Variants in POLR3B observed in about 807,000 individuals in gnomAD.
POLR3B encodes the protein DNA-directed RNA polymerase III subunit RPC2.
Under a neutral mutation model 147.4 loss-of-function variants are expected in POLR3B, and 96 were observed. The ratio of observed to expected loss-of-function variants is 0.65; its 90% CI spans 0.55 to 0.77. The LOEUF (loss-of-function observed/expected upper bound fraction) is 0.77, where lower values mean the gene tolerates loss of function less well. Ranked by LOEUF, POLR3B falls within the 30% of genes least tolerant of loss-of-function variation. POLR3B has a pLI of 0.00. For missense variants in POLR3B, 1,036 were observed against 1,413.5 expected (o/e 0.73, Z 4.28); for synonymous variants, 461 against 485.9 (o/e 0.95, Z 0.67).
intron 16 of POLR3B, 60 bp from the exon 17 acceptor site, chr12:106,436,997 C>T: frequency 7.7e-7 from 1 of 1,294,144 alleles, no homozygotes; most frequent in Non-Finnish European, 1.1e-6. Flanking sequence ...GGTAAACTAA[C>T]TTGCCTGTGT....
chr12:106,368,896 T>A (rs888605557), intron 4 of POLR3B, among the ~76,000 whole-genome samples: 7 of 526 alleles, frequency 0.013, no homozygotes, highest in African/African-American at 0.085. Context: ...AAATGAGCGT[T>A]TTTTTTTTGT....
intron 23 of POLR3B, among the ~76,000 whole-genome samples, chr12:106,486,899 G>A (rs1185828125): frequency 6.6e-6 from 1 of 152,170 alleles, no homozygotes; most frequent in Non-Finnish European, 1.5e-5. Flanking sequence ...CCTCAACTTT[G>A]ACAGTTCTCC....
intron 2 of POLR3B, among the ~76,000 whole-genome samples, chr12:106,366,131 A>G (rs2036533079): frequency 6.6e-6 from 1 of 152,178 alleles, no homozygotes; most frequent in African/African-American, 2.4e-5. Context: ...GTTGTAAGTC[A>G]TTAGGCGATA....
At chr12:106,462,003 C>G (rs1372815485) in intron 22 of POLR3B, among the ~76,000 whole-genome samples, 1 of 152,206 alleles carries the variant, frequency 6.6e-6, no homozygotes, top group Non-Finnish European at 1.5e-5. Context: ...TCCTGGATCC[C>G]TGTCTTGGTA....
In POLR3B at chr12:106,437,794, T is replaced by G; in HGVS notation, c.1955+15T>G. 21 of 1,351,832 alleles carry G rather than the reference T, an allele frequency of 1.6e-5. No homozygotes were observed. Among genetic ancestry groups the G allele is most frequent in the East Asian group, 2.3e-5 (1 of 43,522 alleles). The allele number at this position is 1,351,832 out of a possible 1,614,324, so 83.7% of individuals were successfully genotyped here. A position where few individuals can be genotyped will look rare whatever the true frequency, so the allele number is the denominator to read the frequency against. On this transcript the variant is annotated intron_variant, in intron 18 of 27. Transcript: ENST00000228347. ...ACAATTAATAAGTAAGTAGGATCCA[T>G]AGCAACCATAATTAAAACGTGTTCT...
At chr12:106,443,523 CTTTTT>C (rs71072678) in intron 18 of POLR3B, among the ~76,000 whole-genome samples, 27 of 146,814 alleles carry the variant, frequency 1.8e-4, no homozygotes, top group African/African-American at 6.5e-4. Context: ...AGTAACTATT[CTTTTT>C]TTTTTTTAAG....
rs758590762 is a variant in POLR3B at position 106,357,966 on chromosome 12, C to T, written c.72+15C>T. 5.0e-6 allele frequency: 8 copies of T among 1,611,396 alleles called. No homozygotes were observed. Among genetic ancestry groups the T allele is most frequent in the South Asian group, 1.1e-5 (1 of 90,900 alleles). ...CGACTGTAGAGGTCAGTGCCAGGCA[C>T]GCAGGGAGCGTCAGGGACAAGGATG... On this transcript the variant is annotated intron_variant, in intron 1 of 27. Coordinates refer to ENST00000228347, the MANE Select transcript of POLR3B (RefSeq NM_018082.6).
chr12:106,479,862 G>A (rs908490714), intron 23 of POLR3B, among the ~76,000 whole-genome samples: 6 of 115,138 alleles, frequency 5.2e-5, no homozygotes, highest in African/African-American at 2.1e-4. Flanking sequence ...CACCCAGGCT[G>A]GAGTACAGTG....
At chr12:106,416,367 A>G (rs2037302084) in intron 12 of POLR3B, among the ~76,000 whole-genome samples, 1 of 152,172 alleles carries the variant, frequency 6.6e-6, no homozygotes, top group African/African-American at 2.4e-5. Context: ...ATTCCCATTC[A>G]GTTTAAGAAT....
intron 10 of POLR3B, among the ~76,000 whole-genome samples, chr12:106,403,485 A>G (rs1274115349): frequency 6.6e-6 from 1 of 152,074 alleles, no homozygotes; most frequent in Non-Finnish European, 1.5e-5. Flanking sequence ...ATTATAAATC[A>G]TGCTGCTATA....
chr12:106,430,669 G>A (rs2037498352), intron 14 of POLR3B, among the ~76,000 whole-genome samples, 196 bp downstream of exon 14: 1 of 152,178 alleles, frequency 6.6e-6, no homozygotes, highest in African/African-American at 2.4e-5. Flanking sequence ...ACCTGCAGAA[G>A]CATTTGATTC....
intron 23 of POLR3B, among the ~76,000 whole-genome samples, chr12:106,484,214 A>G (rs1033084374): frequency 1.3e-5 from 2 of 152,246 alleles, no homozygotes; most frequent in African/African-American, 2.4e-5. Flanking sequence ...TAAAGACAGC[A>G]TAAAGAAGAA....
At chr12:106,364,782 A>G (rs1277277768) in intron 2 of POLR3B, among the ~76,000 whole-genome samples, 2 of 152,256 alleles carry the variant, frequency 1.3e-5, no homozygotes, top group African/African-American at 4.8e-5. Flanking sequence ...AAAAGAAAGC[A>G]GGTACCCGCT....
intron 9 of POLR3B, among the ~76,000 whole-genome samples, chr12:106,390,703 CAAAA>C (rs35671254): frequency 8.5e-6 from 1 of 117,476 alleles, no homozygotes; most frequent in Non-Finnish European, 1.9e-5. Flanking sequence ...AACTTGTTTG[CAAAA>C]AAAAAAAAAA....
chr12:106,405,889 G>A lies in POLR3B; in HGVS notation c.879G>A (p.Arg293=). The change falls in exon 11 of 28, where the codon AGG becomes AGA. Residue 293 remains arginine (R), a synonymous_variant. Coordinates refer to ENST00000228347, the MANE Select transcript of POLR3B (RefSeq NM_018082.6). ...ALKYIGNKVR[R]QRMWGGGPKK... Reference sequence around the variant, plus strand: ...AATATATAGGGAACAAAGTAAGAAGGCAAAGGATGTGGGGAGGTGGACCAA... The same window carrying A: ...AATATATAGGGAACAAAGTAAGAAGACAAAGGATGTGGGGAGGTGGACCAA... 6.2e-7 allele frequency: 1 copy of A among 1,613,032 alleles called. No homozygotes were observed. The highest frequency in any genetic ancestry group is 8.5e-7 in the Non-Finnish European group (1 of 1,179,092).
In POLR3B at chr12:106,427,247, GAA is replaced by G; in HGVS notation, c.1156_1157del (p.Lys386AspfsTer8). On this transcript the variant is annotated frameshift_variant, in exon 13 of 28. Coordinates refer to ENST00000228347, the MANE Select transcript of POLR3B (RefSeq NM_018082.6). LOFTEE classifies it high-confidence loss of function. ...DLFKKFNSEM[K>X]KIADQVIPKQ... ...TGTTCAAAAAATTTAATTCTGAAAT[GAA>G]AAAGATTGCCGACCAGGTGATTCCT... The G allele has an allele frequency of 6.3e-7, 1 of 1,593,228 alleles. No homozygotes were observed. Among genetic ancestry groups the G allele is most frequent in the East Asian group, 2.2e-5 (1 of 44,454 alleles).
At chr12:106,460,413 C>CT (rs2037918221) in intron 22 of POLR3B, among the ~76,000 whole-genome samples, 1 of 152,174 alleles carries the variant, frequency 6.6e-6, no homozygotes, top group African/African-American at 2.4e-5. Context: ...AGTTAAGTAA[C>CT]TTACCAAGGT....
intron 22 of POLR3B, among the ~76,000 whole-genome samples, chr12:106,462,419 TG>T (rs2037951082): frequency 6.6e-6 from 1 of 152,204 alleles, no homozygotes; most frequent in South Asian, 2.1e-4. Flanking sequence ...GGCTAATTTT[TG>T]TATCTTTAGT....
chr12:106,366,504 C>G lies in POLR3B; in HGVS notation c.106-12C>G. On this transcript the variant is annotated splice_polypyrimidine_tract_variant and intron_variant, in intron 2 of 27. Transcript: ENST00000228347. ...TTGCTAACCTGTTTACTTTCTCTTTCTATCTGTTTAGGTGAAAGGCCTTGT... is the reference window on the plus strand; with the variant it reads ...TTGCTAACCTGTTTACTTTCTCTTTGTATCTGTTTAGGTGAAAGGCCTTGT... 6.3e-7 allele frequency: 1 copy of G among 1,592,532 alleles called. No homozygotes were observed. Among genetic ancestry groups the G allele is most frequent in the African/African-American group, 1.3e-5 (1 of 74,624 alleles).
Sources: allele counts gnomAD v4.1 joint callset (sites outside exome capture counted in the v4.1 genomes callset), GRCh38; gene constraint gnomAD v4.1.1; transcripts MANE v1.5; gene names NCBI Gene and HGNC (gene_info 2026-07-23, HGNC 2026-07-21).